The following SLC39A10 variants were observed in gnomAD, a reference collection of about 807,000 sequenced individuals.
SLC39A10 encodes the protein zinc transporter ZIP10.
SLC39A10 carries 13 observed loss-of-function variants against 65.1 expected under a neutral mutation model. The observed-to-expected ratio is 0.20, with a 90% CI of 0.13 to 0.32. The LOEUF is 0.32. SLC39A10 is among the 10% of genes least tolerant of loss of function. The probability of loss-of-function intolerance (pLI) is 1.00; values close to 1 mark genes in which losing one functional copy is unlikely to be tolerated. For missense variants in SLC39A10, 831 were observed against 1,018.4 expected (o/e 0.82, Z 2.50); for synonymous variants, 321 against 342.2 (o/e 0.94, Z 0.68).
chr2:195,698,713 T>G (rs1691070160), intron 3 of SLC39A10, among the ~76,000 whole-genome samples: 1 of 151,998 alleles, frequency 6.6e-6, no homozygotes, highest in African/African-American at 2.4e-5. Context: ...TTTGCTAGTT[T>G]TTTTTTTCTT....
chr2:195,655,370 G>A (rs968895455), upstream of SLC39A10, among the ~76,000 whole-genome samples: 8 of 152,130 alleles, frequency 5.3e-5, no homozygotes, highest in African/African-American at 1.9e-4. Flanking sequence ...AAGCAGTGTA[G>A]GTGCCCTAAA....
chr2:195,714,431 C>T (rs1691712469), intron 6 of SLC39A10, among the ~76,000 whole-genome samples: 1 of 152,054 alleles, frequency 6.6e-6, no homozygotes, highest in Non-Finnish European at 1.5e-5. Context: ...CAAAATAGGT[C>T]CTATATTAAA....
intron 3 of SLC39A10, among the ~76,000 whole-genome samples, chr2:195,690,183 A>G (rs1252225726): frequency 2.3e-4 from 34 of 150,588 alleles, no homozygotes; most frequent in African/African-American, 6.8e-4. Context: ...GAAAAAAAAA[A>G]AAAAAAAAAA....
chr2:195,662,743 CTG>C (rs1431503488), intron 1 of SLC39A10, among the ~76,000 whole-genome samples: 2 of 152,062 alleles, frequency 1.3e-5, no homozygotes, highest in Non-Finnish European at 1.5e-5. Context: ...AAAAAAAAAT[CTG>C]TAAATTAAAT....
intron 3 of SLC39A10, among the ~76,000 whole-genome samples, chr2:195,702,063 T>C (rs1290657700): frequency 2.0e-5 from 3 of 152,160 alleles, no homozygotes. Flanking sequence ...TATGTAGTTA[T>C]TTTTGAATTT....
At chr2:195,703,708 C>CA in intron 3 of SLC39A10, among the ~76,000 whole-genome samples, 1 of 152,160 alleles carries the variant, frequency 6.6e-6, no homozygotes, top group Non-Finnish European at 1.5e-5. Flanking sequence ...GGCTGGAGTG[C>CA]AGTGGCATGA....
At chr2:195,691,674 T>C (rs1200799610) in intron 3 of SLC39A10, among the ~76,000 whole-genome samples, 1 of 152,154 alleles carries the variant, frequency 6.6e-6, no homozygotes, top group Non-Finnish European at 1.5e-5. Context: ...CTTTTGAGAG[T>C]TGTCTATTCA....
chr2:195,625,357 C>A (rs1429371905), intron 2 of SLC39A10, among the ~76,000 whole-genome samples: 2 of 151,412 alleles, frequency 1.3e-5, no homozygotes, highest in Middle Eastern at 3.4e-3. Context: ...CTCACCGCAA[C>A]CTCCGCCTCC....
intron 2 of SLC39A10, among the ~76,000 whole-genome samples, chr2:195,646,980 T>C (rs1261556738): frequency 2.0e-5 from 3 of 152,194 alleles, no homozygotes; most frequent in Non-Finnish European, 4.4e-5. Context: ...TGGCTCCCTT[T>C]ATTCAGCATC....
Position 195,716,092 on chromosome 2 carries a change from C to G in SLC39A10, c.1697-545C>G, listed in dbSNP as rs572656522. 2.0e-4 allele frequency among the ~76,000 whole-genome samples: 31 copies of G among 152,290 alleles called. No homozygotes were observed. The East Asian group carries it at 5.8e-3, about 28-fold the overall frequency. On this transcript the variant is annotated intron_variant, in intron 6 of 9. Coordinates refer to ENST00000359634, the MANE Select transcript of SLC39A10 (RefSeq NM_020342.3). ...ACATTTCAGCATAGCTTTTTGGGTTCTGGCTTTTCAGACATCACAAATTGT... is the reference window on the plus strand; with the variant it reads ...ACATTTCAGCATAGCTTTTTGGGTTGTGGCTTTTCAGACATCACAAATTGT...
At position 195,696,502 on chromosome 2, in the gene SLC39A10, A is replaced by C. The variant is rs1162580776; in HGVS notation, c.1217-10114A>C. On this transcript the variant is annotated intron_variant, in intron 3 of 9. Transcript: ENST00000359634. ...TTGGGGAAAATATAAAAATAATACA[A>C]GAGTAAAAAAATAACACAAATAAAA... 2.0e-5 allele frequency among the ~76,000 whole-genome samples: 3 copies of C among 152,156 alleles called. No individual in the cohort carries two copies. The East Asian group carries it at 5.8e-4, about 29-fold the overall frequency.
At chr2:195,638,888 T>TC (rs1481721179) in intron 2 of SLC39A10, among the ~76,000 whole-genome samples, 2 of 152,114 alleles carry the variant, frequency 1.3e-5, no homozygotes, top group Admixed American at 6.6e-5. Context: ...TCATTATGAG[T>TC]CCCTAGTCTC....
intron 5 of SLC39A10, among the ~76,000 whole-genome samples, chr2:195,710,521 C>G (rs1395591528): frequency 1.3e-5 from 2 of 152,096 alleles, no homozygotes; most frequent in East Asian, 3.9e-4. Flanking sequence ...GAACAGATCT[C>G]TGAACTGGGA....
intron 1 of SLC39A10, chr2:195,671,550 A>C (rs983178085): frequency 2.0e-5 from 3 of 152,312 alleles, no homozygotes; most frequent in Non-Finnish European, 4.4e-5. Flanking sequence ...CAAGAGACAT[A>C]ATAGAATATT....
At chr2:195,709,689 T>C (rs983379241) in intron 5 of SLC39A10, among the ~76,000 whole-genome samples, 1 of 152,210 alleles carries the variant, frequency 6.6e-6, no homozygotes, top group Non-Finnish European at 1.5e-5. Context: ...CTTTGATCTT[T>C]GCCATTTTTG....
At chr2:195,684,780 C>G (rs1341879445) in intron 3 of SLC39A10, among the ~76,000 whole-genome samples, 1 of 152,088 alleles carries the variant, frequency 6.6e-6, no homozygotes, top group Non-Finnish European at 1.5e-5. Flanking sequence ...TGCCTGTGTT[C>G]TTGTCCCCTT....
chr2:195,735,320 T>C lies in SLC39A10; in HGVS notation c.*279T>C, dbSNP rs910031912. The C allele has an allele frequency of 8.4e-5, 20 of 237,756 alleles. No homozygotes were observed. The highest frequency in any genetic ancestry group is 4.5e-4 in the African/African-American group (20 of 44,786). The allele number at this position is 237,756 out of a possible 1,614,324, so 14.7% of individuals were successfully genotyped here. ...ATTAAGACTTTTCACAAAATAATCA[T>C]ATAAAACACTAGTCTCTTTATTAGT... On this transcript the variant is annotated 3_prime_UTR_variant, in exon 10 of 10. Coordinates refer to ENST00000359634, the MANE Select transcript of SLC39A10 (RefSeq NM_020342.3).
chr2:195,716,705 C>T lies in SLC39A10; in HGVS notation c.1765C>T (p.Gln589Ter). The change falls in exon 7 of 10, where the codon CAA becomes TAA. Residue 589 changes from glutamine (Q) to a stop codon, truncating the protein, a stop_gained. Coordinates refer to ENST00000359634, the MANE Select transcript of SLC39A10 (RefSeq NM_020342.3). LOFTEE classifies it high-confidence loss of function. ...ETELTDLEGQ[Q>*]ESPPKNYLCI... is the part of the protein sequence containing the mutation. ...TGAACTGACAGATTTAGAAGGCCAA[C>T]AAGAATCCCCTCCTAAAAATTACCT... 2 of 1,613,944 alleles carry T rather than the reference C, an allele frequency of 1.2e-6. No homozygotes were observed. Among genetic ancestry groups the T allele is most frequent in the Non-Finnish European group, 1.7e-6 (2 of 1,179,890 alleles).
In SLC39A10 at chr2:195,632,309, T is replaced by C. The variant is rs1294140558; in HGVS notation, c.-12+26076T>C. ...TACTTCCTTTTTTTTTTTTTTTTTT[T>C]TTTTTTTTGAGACAGAGTCTCCCTC... is the stretch of plus-strand genomic sequence containing the variant. On this transcript the variant is annotated intron_variant, in intron 2 of 2. Coordinates refer to the SLC39A10 transcript ENST00000458054. 3.8e-4 allele frequency among the ~76,000 whole-genome samples: 51 copies of C among 134,868 alleles called. 1 individual carries two copies. The highest frequency in any genetic ancestry group is 1.3e-3 in the African/African-American group (48 of 36,214). The allele number at this position is 134,868 out of a possible 152,430, so 88.5% of individuals were successfully genotyped here. A position where few individuals can be genotyped will look rare whatever the true frequency, so the allele number is the denominator to read the frequency against.
Sources: gnomAD v4.1 joint callset for allele counts (sites outside exome capture counted in the v4.1 genomes callset) on GRCh38, gnomAD v4.1.1 for gene constraint, MANE v1.5 for transcripts, NCBI Gene and HGNC (gene_info 2026-07-23, HGNC 2026-07-21) for gene names.